The following NHS variants were observed in gnomAD, a reference collection of about 807,000 sequenced individuals.
The protein encoded by NHS is NHS actin remodeling regulator.
A neutral mutation model predicts 72.5 loss-of-function variants in NHS; 5 were observed. The observed-to-expected ratio is 0.07, with a 90% confidence interval of 0.04 to 0.14. NHS has a LOEUF of 0.14. Among genes scored for constraint, NHS ranks in the 10% least tolerant of loss-of-function variants. NHS has a pLI of 1.00. For synonymous variants in NHS, 464 were observed against 547.7 expected (o/e 0.85, Z 2.13); for missense variants, 1,072 against 1,355.7 (o/e 0.79, Z 3.29).
chrX:17,387,679 A>G (rs751615027), intron 1 of NHS, among the ~76,000 whole-genome samples: 2 of 112,656 alleles, frequency 1.8e-5, no homozygotes, highest in Non-Finnish European at 3.7e-5. Flanking sequence ...TGGTTAAGAG[A>G]GTAGACTCTG....
At position 17,734,575 on chromosome X, in the gene NHS, G is replaced by A. The variant is rs2066509855; in HGVS notation, c.*2111G>A. The A allele has an allele frequency of 9.0e-6, 1 of 110,502 alleles. No homozygotes were observed. Among genetic ancestry groups the A allele is most frequent in the Non-Finnish European group, 1.9e-5 (1 of 52,751 alleles). 9.1% of individuals were successfully genotyped at this position (110,502 alleles called of 1,213,427 possible). Reference sequence around the variant, plus strand: ...CACACTGGGGATAGATAAGCTACCTGGTAAAGGGTTTGAACATTTACAAAA... The same window carrying A: ...CACACTGGGGATAGATAAGCTACCTAGTAAAGGGTTTGAACATTTACAAAA... On this transcript the variant is annotated 3_prime_UTR_variant, in exon 9 of 9. Transcript: ENST00000676302.
In NHS at chrX:17,622,372, G is replaced by A. The variant is rs535212498; in HGVS notation, c.566-65370G>A. On this transcript the variant is annotated intron_variant, in intron 1 of 8. Coordinates refer to ENST00000676302, the MANE Select transcript of NHS (RefSeq NM_001291867.2). ...GCGTCTTAAATGCCAACATGGGCTT[G>A]TGAGCCCTGGTATTTGGGCAGGCAT... Among the ~76,000 whole-genome samples, 18 of 112,783 alleles carry A rather than the reference G, an allele frequency of 1.6e-4. No individual in the cohort carries two copies. The South Asian group carries it at 6.6e-3, about 41-fold the overall frequency.
At chrX:17,549,899 G>GC (rs2065322202) in intron 1 of NHS, among the ~76,000 whole-genome samples, 1 of 111,401 alleles carries the variant, frequency 9.0e-6, no homozygotes, top group African/African-American at 3.3e-5. Context: ...ACTTGAACAG[G>GC]CCCCTTGGGT....
chrX:17,581,498 G>A (rs935512534), intron 1 of NHS, among the ~76,000 whole-genome samples: 1 of 111,674 alleles, frequency 9.0e-6, no homozygotes, highest in Non-Finnish European at 1.9e-5. Flanking sequence ...GGGAACTGAA[G>A]GAAGGGAGAG....
chrX:17,649,689 T>C (rs757017370), intron 1 of NHS, among the ~76,000 whole-genome samples: 1 of 111,973 alleles, frequency 8.9e-6, no homozygotes, highest in Non-Finnish European at 1.9e-5. Context: ...ATAGAGTAGT[T>C]TATGCCAGAT....
At chrX:17,698,172 G>T (rs2066242597) in intron 3 of NHS, among the ~76,000 whole-genome samples, 1 of 110,881 alleles carries the variant, frequency 9.0e-6, no homozygotes, top group Non-Finnish European at 1.9e-5. Flanking sequence ...ACACACACAA[G>T]ATTTTTATTT....
At chrX:17,597,626 G>A (rs1449102534) in intron 1 of NHS, among the ~76,000 whole-genome samples, 1 of 110,374 alleles carries the variant, frequency 9.1e-6, no homozygotes, top group Non-Finnish European at 1.9e-5. Flanking sequence ...CTCATAATGG[G>A]AGATAAAAAT....
intron 1 of NHS, among the ~76,000 whole-genome samples, chrX:17,580,839 T>C (rs973949010): frequency 8.9e-6 from 1 of 112,467 alleles, no homozygotes; most frequent in Non-Finnish European, 1.9e-5. Flanking sequence ...GCAGTATACA[T>C]GAAGAAGTAA....
At position 17,635,360 on chromosome X, in the gene NHS, C is replaced by A. The variant is rs7880750; in HGVS notation, c.566-52382C>A. The stretch of plus-strand genomic sequence containing the variant: ...GCCTAGCACTTGGGTGAGACCATCT[C>A]CCCCTCCAGGGGGGAGTCCTAGATG... On this transcript the variant is annotated intron_variant, in intron 1 of 8. Transcript: ENST00000676302. The A allele has an allele frequency of 0.014, 16,007 of 1,115,348 alleles. 1,306 individuals carry two copies. In the African/African-American group the frequency reaches 0.25, roughly 17 times the overall value. The allele number at this position is 1,115,348 out of a possible 1,213,427, so 91.9% of individuals were successfully genotyped here.
intron 1 of NHS, among the ~76,000 whole-genome samples, chrX:17,630,097 G>C (rs1003518523): frequency 2.9e-5 from 3 of 103,497 alleles, no homozygotes; most frequent in Non-Finnish European, 5.9e-5. Flanking sequence ...GAAGGGCTCT[G>C]GGACAATGAC....
intron 1 of NHS, among the ~76,000 whole-genome samples, chrX:17,658,953 G>A (rs2065970231): frequency 8.9e-6 from 1 of 112,208 alleles, no homozygotes; most frequent in Non-Finnish European, 1.9e-5. Context: ...CCAAATTTCA[G>A]GGTTTAACAC....
chrX:17,377,290 AAT>A (rs111478457), intron 1 of NHS, among the ~76,000 whole-genome samples: 3 of 112,399 alleles, frequency 2.7e-5, no homozygotes, highest in African/African-American at 9.7e-5. Context: ...GCTCCCAATA[AAT>A]AGTCATTCTA....
At chrX:17,566,221 G>A (rs1348200867) in intron 1 of NHS, among the ~76,000 whole-genome samples, 1 of 110,380 alleles carries the variant, frequency 9.1e-6, no homozygotes, top group East Asian at 2.8e-4. Context: ...GGGCTCAAGC[G>A]ATCCTCCTGT....
chrX:17,435,854 A>G (rs1185653682), intron 1 of NHS, among the ~76,000 whole-genome samples: 1 of 111,723 alleles, frequency 9.0e-6, no homozygotes, highest in African/African-American at 3.3e-5. Context: ...AGTCTTTGCC[A>G]CCATCAGGAG....
At chrX:17,475,959 C>T (rs974822965) in intron 1 of NHS, among the ~76,000 whole-genome samples, 1 of 111,805 alleles carries the variant, frequency 8.9e-6, no homozygotes, top group African/African-American at 3.3e-5. Flanking sequence ...ACATGTCATG[C>T]CCGCTGCCAG....
chrX:17,655,173 C>T (rs1004887592), intron 1 of NHS, among the ~76,000 whole-genome samples: 3 of 111,955 alleles, frequency 2.7e-5, no homozygotes, highest in Non-Finnish European at 3.8e-5. Context: ...CACCCTCTTG[C>T]CCGGGCTGGA....
chrX:17,428,850 CTG>C (rs958721745), intron 1 of NHS, among the ~76,000 whole-genome samples: 15 of 111,039 alleles, frequency 1.4e-4, no homozygotes, highest in African/African-American at 3.9e-4. Context: ...CTTTCTCTCT[CTG>C]TGTGTGTGTG....
At chrX:17,553,396 A>G (rs1044737252) in intron 1 of NHS, among the ~76,000 whole-genome samples, 3 of 112,790 alleles carry the variant, frequency 2.7e-5, no homozygotes, top group Non-Finnish European at 5.6e-5. Context: ...AACAGCCAGC[A>G]TGAATGGGTT....
intron 1 of NHS, among the ~76,000 whole-genome samples, chrX:17,436,831 C>T (rs921620339): frequency 4.5e-5 from 5 of 111,099 alleles, no homozygotes; most frequent in Non-Finnish European, 7.5e-5. Context: ...GTGCCAGAAA[C>T]AACCTCTCTT....
Sources: allele counts gnomAD v4.1 joint callset (sites outside exome capture counted in the v4.1 genomes callset), GRCh38; gene constraint gnomAD v4.1.1; transcripts MANE v1.5; gene names NCBI Gene and HGNC (gene_info 2026-07-23, HGNC 2026-07-21).